The following PAQR7 variants were observed in gnomAD, a reference collection of about 807,000 sequenced individuals.
PAQR7 encodes membrane progestin receptor alpha.
A neutral mutation model predicts 24.6 loss-of-function variants in PAQR7; 14 were observed. The ratio of observed to expected loss-of-function variants is 0.57; its 90% confidence interval spans 0.38 to 0.89. The LOEUF is 0.89. PAQR7 is among the 40% of genes least tolerant of loss of function. PAQR7 has a pLI of 0.00. For synonymous variants in PAQR7, 189 were observed against 198.8 expected (o/e 0.95, Z 0.42); for missense variants, 351 against 444.0 (o/e 0.79, Z 1.88).
chr1:25,870,286 G>A (rs1319145950), intron 2 of PAQR7, among the ~76,000 whole-genome samples: 1 of 152,134 alleles, frequency 6.6e-6, no homozygotes, highest in Admixed American at 6.5e-5. Context: ...TGGGTACCTG[G>A]GGGTTTCTCT....
Position 25,861,969 on chromosome 1 carries a change from C to G in PAQR7, c.*830G>C, listed in dbSNP as rs776039935. ...AGGCGGAGGTGCAGTGAGCCGAGATCGCACCATTTTACTCCAGCCTAGCCA... is the reference window on the plus strand; with the variant it reads ...AGGCGGAGGTGCAGTGAGCCGAGATGGCACCATTTTACTCCAGCCTAGCCA... On this transcript the variant is annotated 3_prime_UTR_variant, in exon 3 of 3. Transcript: ENST00000675840. 7.4e-6 allele frequency: 1 copy of G among 134,378 alleles called. No individual in the cohort carries two copies. 8.3% of individuals were successfully genotyped at this position (134,378 alleles called of 1,614,324 possible).
chr1:25,870,343 C>G (rs983687988), intron 2 of PAQR7, among the ~76,000 whole-genome samples: 1 of 152,160 alleles, frequency 6.6e-6, no homozygotes, highest in African/African-American at 2.4e-5. Flanking sequence ...GGCAAATTCA[C>G]CAGATGCTGA....
intron 1 of PAQR7, among the ~76,000 whole-genome samples, chr1:25,873,700 A>G (rs2048623193): frequency 6.6e-6 from 1 of 151,948 alleles, no homozygotes; most frequent in Non-Finnish European, 1.5e-5. Flanking sequence ...CCTCCTGAGT[A>G]GCCCTGACCA....
Position 25,863,766 on chromosome 1 carries a change from A to G in PAQR7, c.74T>C (p.Leu25Pro). The G allele has an allele frequency of 4.3e-6, 7 of 1,613,692 alleles. No individual in the cohort carries two copies. The highest frequency in any genetic ancestry group is 5.9e-6 in the Non-Finnish European group (7 of 1,179,996). Residue 25 changes from leucine (L) to proline (P), a missense_variant, in exon 3 of 3, where the codon CTG becomes CCG. Leu to Pro is a moderately conservative substitution (Grantham distance 98, BLOSUM62 -3). Coordinates refer to ENST00000675840, the MANE Select transcript of PAQR7 (RefSeq NM_178422.6). The surrounding 1 kb of genome is among the most constrained non-coding windows in gnomAD (Gnocchi z 6.1). ...CACCGTGAAGACAGGCTCTGGCTGC[A>G]GAGATAGCTGAGGCTCCTGGATGAC... ...RQVIQEPQLS[L>P]QPEPVFTVDR...
chr1:25,870,249 G>C (rs1468359005), intron 2 of PAQR7, among the ~76,000 whole-genome samples: 15 of 152,092 alleles, frequency 9.9e-5, no homozygotes, highest in African/African-American at 3.4e-4. Flanking sequence ...CACCTCCATG[G>C]GCCCCTCCAA....
intron 1 of PAQR7, among the ~76,000 whole-genome samples, chr1:25,873,209 T>G (rs1053067990): frequency 1.3e-5 from 2 of 152,262 alleles, no homozygotes; most frequent in East Asian, 3.9e-4. Context: ...ACATTTTACC[T>G]CTCCCTCACA....
chr1:25,874,709 C>A (rs1476788021), intron 1 of PAQR7, among the ~76,000 whole-genome samples: 2 of 152,198 alleles, frequency 1.3e-5, no homozygotes, highest in East Asian at 1.9e-4. Context: ...CTTGACCTAG[C>A]CCCACAGGCC....
intron 2 of PAQR7, among the ~76,000 whole-genome samples, chr1:25,867,132 C>T (rs2048563694): frequency 6.6e-6 from 1 of 152,174 alleles, no homozygotes; most frequent in African/African-American, 2.4e-5. Flanking sequence ...CTCAAGCAAT[C>T]CTCCTATCAG....
chr1:25,867,657 C>T (rs927274021), intron 2 of PAQR7, among the ~76,000 whole-genome samples: 2 of 152,250 alleles, frequency 1.3e-5, no homozygotes, highest in African/African-American at 4.8e-5. Context: ...CCCAGTGGCA[C>T]TGTGATCACC....
At chr1:25,864,199 A>G (rs576519238) in intron 2 of PAQR7, among the ~76,000 whole-genome samples, 2 of 152,158 alleles carry the variant, frequency 1.3e-5, no homozygotes, top group African/African-American at 4.8e-5. Context: ...TTTCTCTCCT[A>G]AAGAACAGAT....
chr1:25,865,037 T>A (rs777730380), intron 2 of PAQR7, among the ~76,000 whole-genome samples: 6 of 150,754 alleles, frequency 4.0e-5, no homozygotes, highest in Admixed American at 1.3e-4. Context: ...GCACCTGTAG[T>A]CCCAGCTGCT....
chr1:25,872,465 GAACT>G (rs1311035192), intron 1 of PAQR7, among the ~76,000 whole-genome samples: 1 of 150,828 alleles, frequency 6.6e-6, no homozygotes, highest in African/African-American at 2.4e-5. Context: ...TGCCCTCGCA[GAACT>G]AACAGCCCAG....
At chr1:25,865,812 T>A (rs1363683116) in intron 2 of PAQR7, among the ~76,000 whole-genome samples, 2 of 147,128 alleles carry the variant, frequency 1.4e-5, no homozygotes, top group Non-Finnish European at 3.0e-5. Flanking sequence ...ATCTCAAAAA[T>A]AAATAAATAA....
At chr1:25,873,497 A>G (rs1392916498) in intron 1 of PAQR7, among the ~76,000 whole-genome samples, 2 of 151,408 alleles carry the variant, frequency 1.3e-5, no homozygotes, top group Non-Finnish European at 2.9e-5. Context: ...AAAACTGAAC[A>G]GAAACTGTTT....
intron 2 of PAQR7, among the ~76,000 whole-genome samples, chr1:25,864,482 G>C (rs138395640): frequency 6.6e-6 from 1 of 152,144 alleles, no homozygotes; most frequent in South Asian, 2.1e-4. Context: ...TCACATGTCT[G>C]TAGCTTTACA....
intron 1 of PAQR7, among the ~76,000 whole-genome samples, chr1:25,873,538 T>G (rs2048621496): frequency 6.6e-6 from 1 of 151,916 alleles, no homozygotes; most frequent in Non-Finnish European, 1.5e-5. Flanking sequence ...ACTTGGGACC[T>G]CCATGTATTT....
At chr1:25,866,382 TAC>T (rs546019388) in intron 2 of PAQR7, among the ~76,000 whole-genome samples, 47 of 152,308 alleles carry the variant, frequency 3.1e-4, no homozygotes, top group Admixed American at 2.7e-3. Context: ...TATAATGGGT[TAC>T]ACAGTTTAAC....
At position 25,863,078 on chromosome 1, in the gene PAQR7, G is replaced by A; in HGVS notation, c.762C>T (p.Phe254=). Residue 254 remains phenylalanine, a synonymous_variant, in exon 3 of 3, where the codon TTC becomes TTT. Transcript: ENST00000675840. The surrounding 1 kb of genome is among the most constrained non-coding windows in gnomAD (Gnocchi z 6.1). ...QVVFFLLAAA[F]FSTFMPERWF... ...AGCGCTCGGGCATGAAGGTAGAGAA[G>A]AAGGCAGCAGCCAGCAGAAAGAAGA... The A allele has an allele frequency of 6.2e-7, 1 of 1,614,088 alleles. No individual in the cohort carries two copies. Among genetic ancestry groups the A allele is most frequent in the Non-Finnish European group, 8.5e-7 (1 of 1,180,044 alleles).
At chr1:25,869,620 G>T (rs1376814685) in intron 2 of PAQR7, among the ~76,000 whole-genome samples, 1 of 151,760 alleles carries the variant, frequency 6.6e-6, no homozygotes, top group Non-Finnish European at 1.5e-5. Context: ...CCTTACCCAA[G>T]GTTGGAGGAT....
Sources: gnomAD v4.1 joint callset for allele counts (sites outside exome capture counted in the v4.1 genomes callset) on GRCh38, gnomAD v4.1.1 for gene constraint, Gnocchi (gnomAD v3.1) non-coding constraint, MANE v1.5 for transcripts, NCBI Gene and HGNC (gene_info 2026-07-23, HGNC 2026-07-21) for gene names.